FOXP1: variants seen among roughly 807,000 people sequenced by gnomAD.
FOXP1 encodes forkhead box protein P1.
In FOXP1, 15 loss-of-function variants were observed where a neutral mutation model predicts 98.2. The observed-to-expected ratio is 0.15, with a 90% CI of 0.10 to 0.24. The LOEUF (loss-of-function observed/expected upper bound fraction) is 0.24. Among genes scored for constraint, FOXP1 ranks in the 10% least tolerant of loss-of-function variants. FOXP1 has a pLI of 1.00. For synonymous variants in FOXP1, 371 were observed against 314.5 expected (o/e 1.18, Z -1.90); for missense variants, 633 against 848.5 (o/e 0.75, Z 3.15).
At chr3:70,960,154 A>G (rs963334534) in intron 20 of FOXP1, among the ~76,000 whole-genome samples, 1 of 152,208 alleles carries the variant, frequency 6.6e-6, no homozygotes. Flanking sequence ...AGACACCATG[A>G]TATACATGCT....
intron 6 of FOXP1, among the ~76,000 whole-genome samples, chr3:71,184,369 A>G (rs545552828): frequency 3.0e-4 from 46 of 152,340 alleles, no homozygotes; most frequent in African/African-American, 1.0e-3. Flanking sequence ...TTGTCTGTGC[A>G]CTTACTGTAA....
rs2045228909 is a variant in FOXP1, at chr3:71,544,847, G to GT, written c.-298+36701_-298+36702insA. 1.5e-4 allele frequency among the ~76,000 whole-genome samples: 5 copies of GT among 32,734 alleles called. No individual in the cohort carries two copies. In the African/African-American group the frequency reaches 1.5e-3, roughly 10 times the overall value. 21.5% of individuals were successfully genotyped at this position (32,734 alleles called of 152,430 possible). ...GAGGGTAGTCAAGAAAGATAATAGGGCTTTTTTTTTCCAGATTCAGCTTAT... is the reference window on the plus strand; with the variant it reads ...GAGGGTAGTCAAGAAAGATAATAGGGTCTTTTTTTTTCCAGATTCAGCTTAT... On this transcript the variant is annotated intron_variant, in intron 2 of 20. Coordinates refer to ENST00000649528, the MANE Select transcript of FOXP1 (RefSeq NM_001349338.3).
rs912385382 is a variant in FOXP1, at chr3:70,955,857, A to C, written c.*3390T>G. 4.8e-6 allele frequency: 1 copy of C among 209,752 alleles called. No individual in the cohort carries two copies. The highest frequency in any genetic ancestry group is 8.6e-6 in the Non-Finnish European group (1 of 115,708). 13.0% of individuals were successfully genotyped at this position (209,752 alleles called of 1,614,324 possible). A position where few individuals can be genotyped will look rare whatever the true frequency, so the allele number is the denominator to read the frequency against. On this transcript the variant is annotated 3_prime_UTR_variant, in exon 21 of 21. Coordinates refer to ENST00000649528, the MANE Select transcript of FOXP1 (RefSeq NM_001349338.3). Reference sequence around the variant, plus strand: ...GCACACACACACACACACACACACAAAACCTGTACAAAATGCTCCAATCAA... The same window carrying C: ...GCACACACACACACACACACACACACAACCTGTACAAAATGCTCCAATCAA...
At chr3:71,500,018 G>A (rs1237964061) in intron 2 of FOXP1, among the ~76,000 whole-genome samples, 1 of 152,132 alleles carries the variant, frequency 6.6e-6, no homozygotes, top group Non-Finnish European at 1.5e-5. Context: ...GTAAAAAACG[G>A]TCACCAGATT....
intron 5 of FOXP1, among the ~76,000 whole-genome samples, chr3:71,257,479 G>C (rs1256331871): frequency 6.6e-6 from 1 of 151,994 alleles, no homozygotes; most frequent in African/African-American, 2.4e-5. Flanking sequence ...CAGCTACTTG[G>C]GAGGTTGAAG....
chr3:71,496,042 A>T (rs1221075767), intron 2 of FOXP1, among the ~76,000 whole-genome samples: 3 of 152,212 alleles, frequency 2.0e-5, no homozygotes, highest in Non-Finnish European at 4.4e-5. Flanking sequence ...GAACCTCAAG[A>T]GCTTTCAATT....
intron 2 of FOXP1, chr3:71,572,967 G>A (rs998811098): frequency 7.2e-5 from 11 of 152,112 alleles, no homozygotes; most frequent in African/African-American, 2.4e-4. Flanking sequence ...AAATGCTTGA[G>A]ACCAAGGCAT....
chr3:71,324,277 A>G (rs1404677462), intron 4 of FOXP1, among the ~76,000 whole-genome samples: 1 of 152,172 alleles, frequency 6.6e-6, no homozygotes, highest in Non-Finnish European at 1.5e-5. Flanking sequence ...GGGTTGCCCA[A>G]AGGATTATAA....
chr3:71,492,493 G>A (rs2091135323), intron 3 of FOXP1, among the ~76,000 whole-genome samples: 1 of 151,124 alleles, frequency 6.6e-6, no homozygotes, highest in East Asian at 1.9e-4. Context: ...AGCCTAATTT[G>A]CCCCATGCCA....
At chr3:71,363,991 G>A (rs1204469751) in intron 3 of FOXP1, among the ~76,000 whole-genome samples, 1 of 152,140 alleles carries the variant, frequency 6.6e-6, no homozygotes, top group Admixed American at 6.5e-5. Flanking sequence ...AAGACTACAT[G>A]GAGCAGAGCC....
At chr3:71,274,243 T>C (rs1448645150) in intron 5 of FOXP1, among the ~76,000 whole-genome samples, 2 of 152,192 alleles carry the variant, frequency 1.3e-5, no homozygotes, top group African/African-American at 4.8e-5. Context: ...ATTTTAACTA[T>C]GTTGCAAACA....
intron 5 of FOXP1, among the ~76,000 whole-genome samples, chr3:71,199,723 G>C (rs1375020159): frequency 1.3e-5 from 2 of 151,856 alleles, no homozygotes; most frequent in Admixed American, 1.3e-4. Context: ...CTAGGTGACA[G>C]GGTGAGACTC....
chr3:70,977,684 C>G lies in FOXP1; in HGVS notation c.1387G>C (p.Glu463Gln). ...GCATATGTAAATGGTGGTCTAACTT[C>G]TGCGTTCTTATAAAATTCTTGGTTC... ...AQNQEFYKNA[E>Q]VRPPFTYASL... Residue 463 changes from glutamate to glutamine, a missense_variant, in exon 16 of 21, where the codon GAA becomes CAA. This residue lies in a region of FOXP1 where 141 missense variants were observed against 199.5 expected (regional missense o/e 0.71). Transcript: ENST00000649528. 1.2e-6 allele frequency: 2 copies of G among 1,614,142 alleles called. No homozygotes were observed. The highest frequency in any genetic ancestry group is 1.7e-6 in the Non-Finnish European group (2 of 1,179,996).
At chr3:71,159,101 T>C (rs1246111008) in intron 6 of FOXP1, among the ~76,000 whole-genome samples, 33 of 53,900 alleles carry the variant, frequency 6.1e-4, no homozygotes, top group African/African-American at 2.4e-3. Context: ...CGGAACCCTA[T>C]CTCAAAAAAA....
intron 4 of FOXP1, among the ~76,000 whole-genome samples, chr3:71,358,517 C>T (rs1033171688): frequency 6.6e-6 from 1 of 152,208 alleles, no homozygotes; most frequent in Non-Finnish European, 1.5e-5. Flanking sequence ...TTTCAAAGTG[C>T]TTTCACATGC....
intron 4 of FOXP1, among the ~76,000 whole-genome samples, chr3:71,355,057 G>A (rs766000602): frequency 5.3e-5 from 8 of 152,162 alleles, no homozygotes; most frequent in African/African-American, 7.2e-5. Flanking sequence ...GATGGGACAC[G>A]CAGAGTATGC....
intron 4 of FOXP1, among the ~76,000 whole-genome samples, chr3:71,355,056 C>T (rs1012187648): frequency 2.0e-5 from 3 of 152,154 alleles, no homozygotes; most frequent in Non-Finnish European, 4.4e-5. Flanking sequence ...GGATGGGACA[C>T]GCAGAGTATG....
intron 12 of FOXP1, among the ~76,000 whole-genome samples, chr3:71,008,492 G>C (rs146840482): frequency 1.7e-3 from 263 of 152,194 alleles, no homozygotes; most frequent in African/African-American, 5.7e-3. Context: ...TGCAGGGCTG[G>C]ACGATTTCAT....
intron 2 of FOXP1, among the ~76,000 whole-genome samples, chr3:71,561,465 C>A (rs1263453398): frequency 6.7e-6 from 1 of 149,924 alleles, no homozygotes; most frequent in Non-Finnish European, 1.5e-5. Flanking sequence ...CCCTAGTCAC[C>A]ACGACCCGTT....
Sources: allele counts gnomAD v4.1 joint callset (sites outside exome capture counted in the v4.1 genomes callset), GRCh38; gene constraint gnomAD v4.1.1; regional missense constraint gnomAD v4.1.1; transcripts MANE v1.5; gene names NCBI Gene and HGNC (gene_info 2026-07-23, HGNC 2026-07-21).